Variants in ADGRV1 observed in about 807,000 individuals in gnomAD.
The protein encoded by ADGRV1 is adhesion G protein-coupled receptor V1.
Under a neutral mutation model 596.2 loss-of-function variants are expected in ADGRV1, and 359 were observed. That is an observed-to-expected ratio of 0.60 (90% CI 0.55 to 0.66). The LOEUF is 0.66. Ranked by LOEUF, ADGRV1 falls within the 30% of genes least tolerant of loss-of-function variation. The pLI, the probability that ADGRV1 is intolerant of heterozygous loss-of-function variation, is 0.00. For synonymous variants in ADGRV1, 2,681 were observed against 2,679.2 expected (o/e 1.00, Z -0.02); for missense variants, 7,274 against 7,575.6 (o/e 0.96, Z 1.48).
In ADGRV1 at chr5:90,918,322, A is replaced by C. The variant is rs201666548; in HGVS notation, c.17857-47093A>C. ...GGACCACATCTACTAGACTAAGTGA[A>C]AGCCCAGATCCGGAGAGAAATGATC... is the stretch of plus-strand genomic sequence containing the variant. On this transcript the variant is annotated intron_variant, in intron 83 of 89. Coordinates refer to ENST00000405460, the MANE Select transcript of ADGRV1 (RefSeq NM_032119.4). Among the ~76,000 whole-genome samples, 5 of 152,300 alleles carry C rather than the reference A, an allele frequency of 3.3e-5. No homozygotes were observed. In the East Asian group the frequency reaches 9.7e-4, roughly 29 times the overall value.
At chr5:90,590,699 A>G (rs139916000) in intron 1 of ADGRV1, among the ~76,000 whole-genome samples, 2 of 152,352 alleles carry the variant, frequency 1.3e-5, no homozygotes, top group African/African-American at 4.8e-5. Flanking sequence ...GAGGAGCACT[A>G]AAGAATTTGC....
chr5:90,599,161 T>TA (rs1761087665), intron 1 of ADGRV1, among the ~76,000 whole-genome samples: 1 of 152,182 alleles, frequency 6.6e-6, no homozygotes, highest in African/African-American at 2.4e-5. Flanking sequence ...CAGGTGTACT[T>TA]ACAAAGTATG....
intron 42 of ADGRV1, among the ~76,000 whole-genome samples, chr5:90,713,416 G>A (rs540816902): frequency 1.4e-5 from 2 of 145,552 alleles, no homozygotes; most frequent in Non-Finnish European, 3.0e-5. Context: ...TCATTTTCTT[G>A]TAGAACATAG....
chr5:90,938,195 G>C (rs73771125), intron 83 of ADGRV1, among the ~76,000 whole-genome samples: 2,434 of 151,706 alleles, frequency 0.016, 69 homozygotes, highest in African/African-American at 0.057. Context: ...GAGTAAGAGG[G>C]GAAAATAAAA....
chr5:90,627,776 G>T lies in ADGRV1; in HGVS notation c.1238G>T (p.Arg413Ile). ...ATAATTGATGAAGATAGAATATCAAGGTATGATTTATTTTAAATATATTGC... is the reference window on the plus strand; with the variant it reads ...ATAATTGATGAAGATAGAATATCAATGTATGATTTATTTTAAATATATTGC... ...TVIIDEDRISRYEEITVVRNG... is the reference protein window; with the variant it reads ...TVIIDEDRISIYEEITVVRNG... The change falls in exon 7 of 90, where the codon AGA becomes ATA. Residue 413 changes from arginine (R) to isoleucine (I), a missense_variant and splice_region_variant. Coordinates refer to ENST00000405460, the MANE Select transcript of ADGRV1 (RefSeq NM_032119.4). The T allele has an allele frequency of 2.7e-6, 4 of 1,464,332 alleles. No homozygotes were observed. The highest frequency in any genetic ancestry group is 1.5e-5 in the South Asian group (1 of 68,424). The allele number at this position is 1,464,332 out of a possible 1,614,324, so 90.7% of individuals were successfully genotyped here.
chr5:90,666,483 C>G (rs902283980), intron 21 of ADGRV1, among the ~76,000 whole-genome samples: 1 of 151,306 alleles, frequency 6.6e-6, no homozygotes, highest in Non-Finnish European at 1.5e-5. Flanking sequence ...TTTCCTCAAT[C>G]TTTTTATTTT....
At chr5:90,934,756 G>A (rs1452778732) in intron 83 of ADGRV1, among the ~76,000 whole-genome samples, 4 of 152,162 alleles carry the variant, frequency 2.6e-5, no homozygotes, top group East Asian at 3.9e-4. Flanking sequence ...TCGCAGTTCC[G>A]GAGGCTGGCA....
chr5:90,648,625 T>A (rs966175383), intron 17 of ADGRV1, among the ~76,000 whole-genome samples: 2 of 152,214 alleles, frequency 1.3e-5, no homozygotes, highest in African/African-American at 4.8e-5. Context: ...GATCTCTTAA[T>A]TATTGTTTTA....
intron 85 of ADGRV1, among the ~76,000 whole-genome samples, chr5:91,060,780 T>A (rs1787358163): frequency 6.6e-6 from 1 of 152,160 alleles, no homozygotes; most frequent in Non-Finnish European, 1.5e-5. Flanking sequence ...GCTCTAGAAG[T>A]TTTTTCTTGG....
chr5:90,807,862 G>C (rs1166552759), intron 73 of ADGRV1, 125 bp downstream of exon 73: 1 of 853,204 alleles, frequency 1.2e-6, no homozygotes, highest in Non-Finnish European at 1.7e-6. Context: ...TTTTAGTGTA[G>C]AGCATCACGT....
At chr5:90,654,637 C>G (rs73181653) in intron 20 of ADGRV1, 1 of 152,362 alleles carries the variant, frequency 6.6e-6, no homozygotes, top group Admixed American at 6.5e-5. Context: ...TGATTTTATT[C>G]TTTTTTATAT....
intron 21 of ADGRV1, among the ~76,000 whole-genome samples, chr5:90,659,922 C>T (rs1384154406): frequency 6.6e-6 from 1 of 151,950 alleles, no homozygotes; most frequent in Non-Finnish European, 1.5e-5. Context: ...GTGCCAGCTA[C>T]TCGTGAAGCT....
Position 91,010,499 on chromosome 5 carries a change from C to G in ADGRV1, c.18152+24977C>G, listed in dbSNP as rs142078041. ...ATATTTGAAATAGAGATATCAAGTT[C>G]TCATTTATTTAGATGAATTTTTAGT... On this transcript the variant is annotated intron_variant, in intron 85 of 89. Transcript: ENST00000405460. Among the ~76,000 whole-genome samples the G allele has an allele frequency of 1.7e-3, 251 of 152,084 alleles. 5 individuals carry two copies. The highest frequency in any genetic ancestry group is 5.7e-3 in the African/African-American group (235 of 41,540).
intron 83 of ADGRV1, among the ~76,000 whole-genome samples, chr5:90,956,579 T>C (rs1281436154): frequency 6.6e-6 from 1 of 152,214 alleles, no homozygotes; most frequent in East Asian, 1.9e-4. Flanking sequence ...GTGTAAAATT[T>C]AGTTCAACCT....
intron 21 of ADGRV1, among the ~76,000 whole-genome samples, chr5:90,659,648 T>C (rs967196831): frequency 1.3e-5 from 2 of 152,214 alleles, no homozygotes; most frequent in African/African-American, 2.4e-5. Context: ...CCCATAATTA[T>C]CTGAAAAGAC....
chr5:90,725,252 T>G lies in ADGRV1; in HGVS notation c.10053+20T>G. On this transcript the variant is annotated intron_variant, in intron 47 of 89. Transcript: ENST00000405460. ...TTCCTGGTAAAAACATTTTCATTTT[T>G]AAATAGATTACTTTCTTTAAAAGAA... 1 of 1,244,786 alleles carries G rather than the reference T, an allele frequency of 8.0e-7. No homozygotes were observed. 77.1% of individuals were successfully genotyped at this position (1,244,786 alleles called of 1,614,324 possible). A position where few individuals can be genotyped will look rare whatever the true frequency, so the allele number is the denominator to read the frequency against.
At position 90,802,888 on chromosome 5, in the gene ADGRV1, T is replaced by C. The variant is rs1461724871; in HGVS notation, c.14661+6T>C. 2 of 1,597,972 alleles carry C rather than the reference T, an allele frequency of 1.3e-6. No individual in the cohort carries two copies. The highest frequency in any genetic ancestry group is 1.7e-6 in the Non-Finnish European group (2 of 1,171,580). On this transcript the variant is annotated splice_donor_region_variant and intron_variant, in intron 71 of 89. Coordinates refer to ENST00000405460, the MANE Select transcript of ADGRV1 (RefSeq NM_032119.4). The stretch of plus-strand genomic sequence containing the variant: ...AGAAAGCTGCCAATTCTCAGGTAAT[T>C]GGCCCTGTGTGTGGTTCTCTCAGCA...
chr5:91,146,248 T>A (rs1162193307), intron 87 of ADGRV1, among the ~76,000 whole-genome samples: 1 of 152,246 alleles, frequency 6.6e-6, no homozygotes, highest in East Asian at 1.9e-4. Context: ...CAATTTAACA[T>A]ATTTTATTGG....
chr5:90,672,055 A>G (rs1231995068), intron 21 of ADGRV1, among the ~76,000 whole-genome samples: 1 of 152,144 alleles, frequency 6.6e-6, no homozygotes, highest in Non-Finnish European at 1.5e-5. Context: ...CACCAAATAT[A>G]CTATATTGCT....
Sources: gnomAD v4.1 joint callset for allele counts (sites outside exome capture counted in the v4.1 genomes callset) on GRCh38, gnomAD v4.1.1 for gene constraint, MANE v1.5 for transcripts, NCBI Gene and HGNC (gene_info 2026-07-23, HGNC 2026-07-21) for gene names.